ERBB4: variants seen among roughly 807,000 people sequenced by gnomAD.
ERBB4 encodes receptor tyrosine-protein kinase erbB-4.
Under a neutral mutation model 158.0 loss-of-function variants are expected in ERBB4, and 42 were observed. The observed-to-expected ratio is 0.27, with a 90% CI of 0.21 to 0.34. The LOEUF is 0.34. Ranked by LOEUF, ERBB4 falls within the 10% of genes least tolerant of loss-of-function variation. The pLI is 1.00. For synonymous variants in ERBB4, 583 were observed against 558.7 expected (o/e 1.04, Z -0.61); for missense variants, 1,333 against 1,624.1 (o/e 0.82, Z 3.08).
At chr2:212,488,700 C>T (rs1690111194) in intron 1 of ERBB4, among the ~76,000 whole-genome samples, 1 of 151,814 alleles carries the variant, frequency 6.6e-6, no homozygotes, top group African/African-American at 2.4e-5. Flanking sequence ...TCAAAGGAGG[C>T]AAGGCCAAAA....
At chr2:212,260,081 A>AAAAG (rs3040294) in intron 1 of ERBB4, among the ~76,000 whole-genome samples, 69,361 of 148,850 alleles carry the variant, frequency 0.47, 16,506 homozygotes, top group East Asian at 0.66. Flanking sequence ...AAAAAAAAAA[A>AAAAG]AAAAGAAAAG....
At chr2:212,185,598 G>A (rs566535964) in intron 1 of ERBB4, among the ~76,000 whole-genome samples, 7 of 152,108 alleles carry the variant, frequency 4.6e-5, no homozygotes, top group African/African-American at 1.7e-4. Context: ...GGATGCTTAG[G>A]GAGAAGAGAT....
intron 3 of ERBB4, among the ~76,000 whole-genome samples, chr2:211,812,845 T>A (rs1013718131): frequency 6.6e-6 from 1 of 152,242 alleles, no homozygotes; most frequent in Non-Finnish European, 1.5e-5. Flanking sequence ...TGGGACCCAC[T>A]GATCCAGACA....
chr2:211,778,383 A>G (rs1194248906), intron 4 of ERBB4: 1 of 152,230 alleles, frequency 6.6e-6, no homozygotes, highest in Non-Finnish European at 1.5e-5. Flanking sequence ...TTTGAGCAGA[A>G]CTAGGCCAAC....
intron 1 of ERBB4, among the ~76,000 whole-genome samples, chr2:212,256,531 A>T (rs2084745724): frequency 6.6e-6 from 1 of 152,204 alleles, no homozygotes; most frequent in Admixed American, 6.6e-5. Flanking sequence ...AATCTCTTTC[A>T]GAGGTGGAAG....
chr2:212,520,589 T>C (rs887302655), intron 1 of ERBB4, among the ~76,000 whole-genome samples: 1 of 151,946 alleles, frequency 6.6e-6, no homozygotes. Flanking sequence ...GTATACAAAA[T>C]TTCTACCTAT....
intron 1 of ERBB4, among the ~76,000 whole-genome samples, chr2:212,342,864 T>C (rs2088790855): frequency 6.6e-6 from 1 of 152,222 alleles, no homozygotes; most frequent in Admixed American, 6.5e-5. Flanking sequence ...TTCTTATTCA[T>C]ATCTAACTTC....
chr2:211,801,821 T>C (rs905759394), intron 3 of ERBB4, among the ~76,000 whole-genome samples: 2 of 152,228 alleles, frequency 1.3e-5, no homozygotes, highest in African/African-American at 4.8e-5. Flanking sequence ...GCCTAATTTA[T>C]TTTTGTAGGG....
intron 20 of ERBB4, among the ~76,000 whole-genome samples, chr2:211,544,012 C>G (rs2066879243): frequency 6.6e-6 from 1 of 151,888 alleles, no homozygotes. Flanking sequence ...TAAAAAGCCA[C>G]CCAGTTAAAG....
chr2:212,527,502 G>C (rs1229938097), intron 1 of ERBB4, among the ~76,000 whole-genome samples: 1 of 151,978 alleles, frequency 6.6e-6, no homozygotes, highest in South Asian at 2.1e-4. Context: ...TAATGGAAGA[G>C]CAATATTCCT....
intron 2 of ERBB4, among the ~76,000 whole-genome samples, chr2:211,984,790 T>C (rs531930158): frequency 1.3e-5 from 2 of 152,172 alleles, no homozygotes; most frequent in Admixed American, 1.3e-4. Flanking sequence ...TGGCACGACC[T>C]TGGCTCACTG....
chr2:211,434,266 T>TA (rs2063804933), intron 20 of ERBB4, among the ~76,000 whole-genome samples: 1 of 152,224 alleles, frequency 6.6e-6, no homozygotes, highest in Admixed American at 6.5e-5. Flanking sequence ...TGAATGGTTT[T>TA]ATGTCCTTCC....
At chr2:211,813,908 A>G (rs2076819584) in intron 3 of ERBB4, among the ~76,000 whole-genome samples, 1 of 152,168 alleles carries the variant, frequency 6.6e-6, no homozygotes, top group Admixed American at 6.5e-5. Flanking sequence ...AAAAAATAAT[A>G]TAAATCATAT....
intron 1 of ERBB4, among the ~76,000 whole-genome samples, chr2:212,132,805 ATG>A (rs921260010): frequency 2.6e-5 from 4 of 151,990 alleles, no homozygotes; most frequent in Non-Finnish European, 4.4e-5. Context: ...TATAGCATAT[ATG>A]TGTGTGTGTA....
intron 2 of ERBB4, among the ~76,000 whole-genome samples, chr2:212,119,265 T>C (rs1348009128): frequency 6.6e-6 from 1 of 152,180 alleles, no homozygotes; most frequent in Non-Finnish European, 1.5e-5. Context: ...CTATATGATC[T>C]ACATTTCATA....
chr2:211,436,444 G>C (rs1481498835), intron 20 of ERBB4, among the ~76,000 whole-genome samples: 1 of 152,092 alleles, frequency 6.6e-6, no homozygotes, highest in African/African-American at 2.4e-5. Context: ...TACTCTCTCT[G>C]TCATCACCTT....
intron 20 of ERBB4, among the ~76,000 whole-genome samples, chr2:211,440,353 CCT>C (rs1476539832): frequency 6.6e-6 from 1 of 151,742 alleles, no homozygotes; most frequent in African/African-American, 2.4e-5. Context: ...TAGCAGTTAT[CCT>C]CTGTGTCTCT....
Position 211,382,427 on chromosome 2 carries a change from T to A in ERBB4, c.*1188A>T, listed in dbSNP as rs916995193. The A allele has an allele frequency of 3.4e-5, 8 of 232,538 alleles. No individual in the cohort carries two copies. The highest frequency in any genetic ancestry group is 1.1e-4 in the Admixed American group (2 of 17,752). 14.4% of individuals were successfully genotyped at this position (232,538 alleles called of 1,614,324 possible). On this transcript the variant is annotated 3_prime_UTR_variant, in exon 28 of 28. Transcript: ENST00000342788. ...ACAGTCTTTATCTTAGCTCTTTTTT[T>A]AAAAATGTACTTAAATTAGTTAATT...
chr2:211,859,944 C>T (rs182169716), intron 3 of ERBB4, among the ~76,000 whole-genome samples: 8 of 152,238 alleles, frequency 5.3e-5, no homozygotes, highest in Admixed American at 2.6e-4. Context: ...TCATTACAAA[C>T]GTATTGGCAA....
Sources: gnomAD v4.1 joint callset for allele counts (sites outside exome capture counted in the v4.1 genomes callset) on GRCh38, gnomAD v4.1.1 for gene constraint, MANE v1.5 for transcripts, NCBI Gene and HGNC (gene_info 2026-07-23, HGNC 2026-07-21) for gene names.